The following PACRG variants were observed in gnomAD, a reference collection of about 807,000 sequenced individuals.
PACRG encodes the protein parkin coregulated.
In PACRG, 29 loss-of-function variants were observed where a neutral mutation model predicts 29.7. The ratio of observed to expected loss-of-function variants is 0.98; its 90% CI spans 0.73 to 1.33. The LOEUF is 1.33. PACRG is among the 40% of genes most tolerant of loss of function. The probability of loss-of-function intolerance (pLI) is 0.00; values close to 1 mark genes in which losing one functional copy is unlikely to be tolerated. For synonymous variants in PACRG, 116 were observed against 118.7 expected, an observed-to-expected ratio of 0.98 and a Z score of 0.15; for missense variants, 279 against 316.2, an observed-to-expected ratio of 0.88 and a Z score of 0.89.
At chr6:162,871,605 A>G (rs1251874383) in intron 2 of PACRG, among the ~76,000 whole-genome samples, 1 of 152,124 alleles carries the variant, frequency 6.6e-6, no homozygotes, top group Non-Finnish European at 1.5e-5. Flanking sequence ...AAATAAAACA[A>G]GCACTTCCAC....
At chr6:162,916,934 G>A (rs563248413) in intron 2 of PACRG, among the ~76,000 whole-genome samples, 5 of 152,082 alleles carry the variant, frequency 3.3e-5, no homozygotes, top group South Asian at 2.1e-4. Context: ...CCAAACTTAC[G>A]GTTTCTAGTG....
intron 2 of PACRG, among the ~76,000 whole-genome samples, chr6:162,972,870 A>G (rs1253366270): frequency 1.3e-5 from 2 of 152,146 alleles, no homozygotes; most frequent in Non-Finnish European, 2.9e-5. Flanking sequence ...TTCTAAAAAA[A>G]TGATATCTTC....
At chr6:162,980,087 C>T (rs1284779242) in intron 2 of PACRG, among the ~76,000 whole-genome samples, 2 of 152,052 alleles carry the variant, frequency 1.3e-5, no homozygotes, top group Non-Finnish European at 2.9e-5. Flanking sequence ...ATGTTAGCTT[C>T]TTTGTTCAGC....
At chr6:163,017,542 C>G (rs1806221156) in intron 2 of PACRG, among the ~76,000 whole-genome samples, 1 of 152,144 alleles carries the variant, frequency 6.6e-6, no homozygotes, top group African/African-American at 2.4e-5. Context: ...TAATTCCACA[C>G]TTGTCTCTTG....
At chr6:163,012,152 G>C (rs762798467) in intron 2 of PACRG, among the ~76,000 whole-genome samples, 1 of 152,224 alleles carries the variant, frequency 6.6e-6, no homozygotes, top group Non-Finnish European at 1.5e-5. Flanking sequence ...ACATGCCTAA[G>C]ATTTGTTGTC....
In PACRG at chr6:162,916,633, G is replaced by A. The variant is rs563143787; in HGVS notation, c.291+102352G>A. ...ATGTTCTATTGTGATGCATTAAAGA[G>A]TTGAGTTTCATGAAATTTTGTGCTG... On this transcript the variant is annotated intron_variant, in intron 2 of 4. Transcript: ENST00000366888. Among the ~76,000 whole-genome samples the A allele has an allele frequency of 5.3e-5, 8 of 152,218 alleles. No individual in the cohort carries two copies. In the South Asian group the frequency reaches 1.5e-3, roughly 28 times the overall value.
rs1365208586 is a variant in PACRG, at chr6:163,233,175, C to T, written c.614-81652C>T. ...TTCAATTCACAATGGGAATAACCTG[C>T]TCACTATCCTTTGTATTTTTCTCAC... On this transcript the variant is annotated intron_variant, in intron 4 of 4. Coordinates refer to ENST00000366888, the MANE Select transcript of PACRG (RefSeq NM_001080379.2). Among the ~76,000 whole-genome samples, 5 of 152,232 alleles carry T rather than the reference C, an allele frequency of 3.3e-5. No individual in the cohort carries two copies. The East Asian group carries it at 7.7e-4, about 23-fold the overall frequency.
intron 1 of PACRG, among the ~76,000 whole-genome samples, chr6:162,813,806 A>G (rs1787088441): frequency 6.6e-6 from 1 of 152,120 alleles, no homozygotes; most frequent in Non-Finnish European, 1.5e-5. Context: ...GAAATTGTAA[A>G]AGTTTTAACA....
chr6:162,907,441 G>C (rs188774167), intron 2 of PACRG, among the ~76,000 whole-genome samples: 16 of 152,068 alleles, frequency 1.1e-4, no homozygotes, highest in Non-Finnish European at 2.2e-4. Flanking sequence ...TAATTCCTAG[G>C]ATCATTTGAA....
At chr6:163,162,145 G>A (rs905289228) in intron 4 of PACRG, among the ~76,000 whole-genome samples, 25 of 152,088 alleles carry the variant, frequency 1.6e-4, no homozygotes, top group African/African-American at 2.4e-4. Context: ...AAAGTAACCC[G>A]CCAGCTGCCA....
intron 2 of PACRG, among the ~76,000 whole-genome samples, chr6:162,995,433 T>A (rs1036735649): frequency 3.9e-5 from 6 of 152,150 alleles, no homozygotes; most frequent in African/African-American, 1.4e-4. Context: ...GTGTGGGATA[T>A]AGTCTCGTGG....
chr6:163,208,582 A>C (rs550062672), intron 4 of PACRG, among the ~76,000 whole-genome samples: 45 of 152,334 alleles, frequency 3.0e-4, no homozygotes, highest in South Asian at 2.1e-3. Flanking sequence ...TTGGCTAAGC[A>C]CACGTTTGGA....
intron 4 of PACRG, among the ~76,000 whole-genome samples, chr6:163,313,286 A>G (rs1372566506): frequency 6.6e-6 from 1 of 152,100 alleles, no homozygotes; most frequent in African/African-American, 2.4e-5. Flanking sequence ...AATGACATGC[A>G]CTACAGTTGT....
At chr6:162,956,132 G>C (rs1184507833) in intron 2 of PACRG, among the ~76,000 whole-genome samples, 3 of 152,176 alleles carry the variant, frequency 2.0e-5, no homozygotes, top group Non-Finnish European at 4.4e-5. Context: ...GGAAGATCAA[G>C]TGCAAGGCGG....
intron 3 of PACRG, among the ~76,000 whole-genome samples, chr6:163,074,689 A>G (rs1342456442): frequency 6.6e-6 from 1 of 152,212 alleles, no homozygotes; most frequent in Non-Finnish European, 1.5e-5. Context: ...TATACCTACT[A>G]TGTACCTACA....
intron 2 of PACRG, among the ~76,000 whole-genome samples, chr6:162,887,942 A>G (rs1366587686): frequency 6.6e-6 from 1 of 151,986 alleles, no homozygotes; most frequent in Non-Finnish European, 1.5e-5. Flanking sequence ...ATGAACATTT[A>G]TTTCTCCCGG....
At chr6:163,065,813 C>G (rs1051746938) in intron 3 of PACRG, among the ~76,000 whole-genome samples, 5 of 152,136 alleles carry the variant, frequency 3.3e-5, no homozygotes, top group African/African-American at 9.7e-5. Context: ...CGTAGTAGAA[C>G]TAAAATCTCC....
chr6:162,833,085 G>A (rs967982779), intron 2 of PACRG, among the ~76,000 whole-genome samples: 1 of 151,842 alleles, frequency 6.6e-6, no homozygotes, highest in African/African-American at 2.4e-5. Flanking sequence ...ATAAGTGCAG[G>A]GTTTTAAACT....
At chr6:163,105,301 TA>T (rs1815320585) in intron 4 of PACRG, among the ~76,000 whole-genome samples, 1 of 152,188 alleles carries the variant, frequency 6.6e-6, no homozygotes, top group Non-Finnish European at 1.5e-5. Context: ...ATTTCCATTA[TA>T]AAAACCTGCG....
Sources: allele counts gnomAD v4.1 joint callset (sites outside exome capture counted in the v4.1 genomes callset), GRCh38; gene constraint gnomAD v4.1.1; transcripts MANE v1.5; gene names NCBI Gene and HGNC (gene_info 2026-07-23, HGNC 2026-07-21).